Variants in NAP1L1 observed in about 807,000 individuals in gnomAD.
NAP1L1 encodes nucleosome assembly protein 1-like 1.
NAP1L1 carries 9 observed loss-of-function variants against 58.9 expected under a neutral mutation model. The observed-to-expected ratio is 0.15, with a 90% CI of 0.09 to 0.27. The LOEUF (loss-of-function observed/expected upper bound fraction) is 0.27, where lower values mean the gene tolerates loss of function less well. Ranked by LOEUF, NAP1L1 falls within the 10% of genes least tolerant of loss-of-function variation. The pLI, the probability that NAP1L1 is intolerant of heterozygous loss-of-function variation, is 1.00. For synonymous variants in NAP1L1, 130 were observed against 138.3 expected (o/e 0.94, Z 0.42); for missense variants, 302 against 458.8 (o/e 0.66, Z 3.12).
rs1948549962 is a variant in NAP1L1 at position 76,041,445 on chromosome 12, AAAG to A, written c.*6981_*6983del. Reference sequence around the variant, plus strand: ...GCACAAAAGCCCAGTGGCAGAAGTAAAAGAAAAGGCAGCCAAGCAGAGCTGAAA... The same window carrying A: ...GCACAAAAGCCCAGTGGCAGAAGTAAAAAAGGCAGCCAAGCAGAGCTGAAA... On this transcript the variant is annotated 3_prime_UTR_variant, in exon 15 of 15. Coordinates refer to ENST00000618691, the MANE Select transcript of NAP1L1 (RefSeq NM_004537.7). 1 of 152,274 alleles carries A rather than the reference AAAG, an allele frequency of 6.6e-6. No homozygotes were observed. Among genetic ancestry groups the A allele is most frequent in the Admixed American group, 6.5e-5 (1 of 15,286 alleles). The allele number at this position is 152,274 out of a possible 1,614,324, so 9.4% of individuals were successfully genotyped here.
At chr12:76,056,497 G>T (rs1424286145) in intron 6 of NAP1L1, 6 of 397,242 alleles carry the variant, frequency 1.5e-5, no homozygotes, top group African/African-American at 1.1e-4. Context: ...TCACCCCATG[G>T]TGTTCTTAAT....
At chr12:76,049,117 G>A (rs1428174238) in intron 14 of NAP1L1, 83 bp downstream of exon 14, 35 of 1,360,342 alleles carry the variant, frequency 2.6e-5, no homozygotes, top group Middle Eastern at 2.3e-4. Context: ...AGACTTTAAC[G>A]GAGAGAAACT....
intron 4 of NAP1L1, among the ~76,000 whole-genome samples, chr12:76,064,198 C>A (rs1392382102): frequency 1.3e-5 from 2 of 151,922 alleles, no homozygotes; most frequent in East Asian, 1.9e-4. Flanking sequence ...ATGACCCCCC[C>A]AAAAAACATT....
chr12:76,072,624 A>C (rs1453791681), intron 2 of NAP1L1, among the ~76,000 whole-genome samples: 1 of 152,216 alleles, frequency 6.6e-6, no homozygotes, highest in Non-Finnish European at 1.5e-5. Flanking sequence ...AATAATGTGA[A>C]AATTTCAGAA....
chr12:76,057,901 C>T, intron 6 of NAP1L1: 1 of 1,278,326 alleles, frequency 7.8e-7, no homozygotes, highest in Non-Finnish European at 1.1e-6. Flanking sequence ...CCAAAATTCC[C>T]AGAGCAAAGA....
At chr12:76,070,998 C>G (rs954177077) in intron 2 of NAP1L1, among the ~76,000 whole-genome samples, 2 of 152,132 alleles carry the variant, frequency 1.3e-5, no homozygotes, top group Non-Finnish European at 2.9e-5. Context: ...AGTAAGAATT[C>G]TCTATTAAAA....
chr12:76,076,446 A>G (rs892431547), intron 1 of NAP1L1, among the ~76,000 whole-genome samples: 1 of 151,834 alleles, frequency 6.6e-6, no homozygotes, highest in Non-Finnish European at 1.5e-5. Context: ...GAATATGCAA[A>G]AATGGAATGC....
rs1295275718 is a variant in NAP1L1 at position 76,039,964 on chromosome 12, C to CA, written c.*8464dup. ...TTACATTATACCCAACTTTTGAAAA[C>CA]ACGTGTACTTAAGGGTCACCTTATA... On this transcript the variant is annotated 3_prime_UTR_variant, in exon 15 of 15. Transcript: ENST00000618691. 6.6e-6 allele frequency: 1 copy of CA among 152,168 alleles called. No homozygotes were observed. The highest frequency in any genetic ancestry group is 1.9e-4 in the East Asian group (1 of 5,192). The allele number at this position is 152,168 out of a possible 1,614,324, so 9.4% of individuals were successfully genotyped here. A position where few individuals can be genotyped will look rare whatever the true frequency, so the allele number is the denominator to read the frequency against.
chr12:76,044,729 AG>A lies in NAP1L1; in HGVS notation c.*3699del, dbSNP rs1467877053. On this transcript the variant is annotated 3_prime_UTR_variant, in exon 15 of 15. Transcript: ENST00000618691. ...GAAAACCTGACAATATGATGTCAAA[AG>A]GAAGAAACACAAGATACAAAGCATA... 6.6e-6 allele frequency: 1 copy of A among 152,252 alleles called. No homozygotes were observed. The highest frequency in any genetic ancestry group is 1.5e-5 in the Non-Finnish European group (1 of 68,044). The allele number at this position is 152,252 out of a possible 1,614,324, so 9.4% of individuals were successfully genotyped here.
rs1324636771 is a variant in NAP1L1 at position 76,059,648 on chromosome 12, A to C, written c.429+150T>G. The C allele has an allele frequency of 8.3e-6, 5 of 601,244 alleles. No homozygotes were observed. The Admixed American group carries it at 1.8e-4, about 22-fold the overall frequency. 37.2% of individuals were successfully genotyped at this position (601,244 alleles called of 1,614,324 possible). A position where few individuals can be genotyped will look rare whatever the true frequency, so the allele number is the denominator to read the frequency against. ...GACTGTTTTTTAAAAATAAAGTAAT[A>C]GAAAAACGTGTAATAAAGACGTAAA... On this transcript the variant is annotated intron_variant, in intron 6 of 14. Coordinates refer to ENST00000618691, the MANE Select transcript of NAP1L1 (RefSeq NM_004537.7).
At chr12:76,054,507 T>C (rs776657398) in intron 8 of NAP1L1, among the ~76,000 whole-genome samples, 4 of 152,232 alleles carry the variant, frequency 2.6e-5, no homozygotes, top group Non-Finnish European at 5.9e-5. Flanking sequence ...CTGAATAAAG[T>C]GACCATGTTG....
chr12:76,049,691 G>A, intron 13 of NAP1L1, 65 bp downstream of exon 13: 1 of 1,577,052 alleles, frequency 6.3e-7, no homozygotes, highest in Non-Finnish European at 8.7e-7. Flanking sequence ...GAATACATAA[G>A]TCATTCAATT....
Position 76,048,271 on chromosome 12 carries a change from G to T in NAP1L1, c.*158C>A. 1.4e-6 allele frequency: 1 copy of T among 702,364 alleles called. No homozygotes were observed. The highest frequency in any genetic ancestry group is 2.3e-6 in the Non-Finnish European group (1 of 428,670). 43.5% of individuals were successfully genotyped at this position (702,364 alleles called of 1,614,324 possible). On this transcript the variant is annotated 3_prime_UTR_variant, in exon 15 of 15. Coordinates refer to ENST00000618691, the MANE Select transcript of NAP1L1 (RefSeq NM_004537.7). ...GCAGAAAAACTAGTTAAAATGCTAG[G>T]TAGAACAAATTGGTCTTTAAAATAT...
intron 3 of NAP1L1, among the ~76,000 whole-genome samples, chr12:76,068,218 T>C (rs1238080668): frequency 6.6e-6 from 1 of 152,204 alleles, no homozygotes; most frequent in African/African-American, 2.4e-5. Context: ...ACAGCCAGGA[T>C]AACCAATACA....
Position 76,048,247 on chromosome 12 carries a change from C to A in NAP1L1, c.*182G>T. Reference sequence around the variant, plus strand: ...GAATTTGTGCATTCAACATAGCTGGCAGAAAAACTAGTTAAAATGCTAGGT... The same window carrying A: ...GAATTTGTGCATTCAACATAGCTGGAAGAAAAACTAGTTAAAATGCTAGGT... On this transcript the variant is annotated 3_prime_UTR_variant, in exon 15 of 15. Coordinates refer to ENST00000618691, the MANE Select transcript of NAP1L1 (RefSeq NM_004537.7). 1 of 560,930 alleles carries A rather than the reference C, an allele frequency of 1.8e-6. No individual in the cohort carries two copies. The highest frequency in any genetic ancestry group is 3.0e-5 in the East Asian group (1 of 33,712). 34.7% of individuals were successfully genotyped at this position (560,930 alleles called of 1,614,324 possible). A position where few individuals can be genotyped will look rare whatever the true frequency, so the allele number is the denominator to read the frequency against.
At position 76,038,790 on chromosome 12, in the gene NAP1L1, G is replaced by T. The variant is rs1354877976; in HGVS notation, c.*9639C>A. ...CAGAAAAAGAAATCCCATTAGAACC[G>T]CCCCCATCACAATAACTACCTAAGT... On this transcript the variant is annotated 3_prime_UTR_variant, in exon 15 of 15. Transcript: ENST00000618691. 3.3e-5 allele frequency: 5 copies of T among 152,138 alleles called. No homozygotes were observed. The highest frequency in any genetic ancestry group is 7.4e-5 in the Non-Finnish European group (5 of 67,992). The allele number at this position is 152,138 out of a possible 1,614,324, so 9.4% of individuals were successfully genotyped here.
chr12:76,058,359 T>A (rs1364611453), intron 6 of NAP1L1, among the ~76,000 whole-genome samples: 3 of 150,684 alleles, frequency 2.0e-5, no homozygotes, highest in African/African-American at 7.3e-5. Context: ...CAGAATTTAG[T>A]CAAATAAAAA....
chr12:76,037,348 T>C lies in NAP1L1; in HGVS notation c.*11081A>G, dbSNP rs1056310944. On this transcript the variant is annotated 3_prime_UTR_variant, in exon 15 of 15. Coordinates refer to ENST00000618691, the MANE Select transcript of NAP1L1 (RefSeq NM_004537.7). ...AAGCAAGTGCTTTATAATGAGTGCT[T>C]AGCGCTTTTTTTTAACTGTAGTACA... The C allele has an allele frequency of 2.6e-5, 4 of 152,244 alleles. No homozygotes were observed. Among genetic ancestry groups the C allele is most frequent in the Non-Finnish European group, 5.9e-5 (4 of 68,044 alleles). 9.4% of individuals were successfully genotyped at this position (152,244 alleles called of 1,614,324 possible). A position where few individuals can be genotyped will look rare whatever the true frequency, so the allele number is the denominator to read the frequency against.
chr12:76,059,498 G>A (rs541394543), intron 6 of NAP1L1: 59 of 288,624 alleles, frequency 2.0e-4, no homozygotes, highest in African/African-American at 1.6e-4. Flanking sequence ...AGATGAATTC[G>A]AACTTTAAGT....
Sources: allele counts gnomAD v4.1 joint callset (sites outside exome capture counted in the v4.1 genomes callset), GRCh38; gene constraint gnomAD v4.1.1; transcripts MANE v1.5; gene names NCBI Gene and HGNC (gene_info 2026-07-23, HGNC 2026-07-21).